Variants in LRBA observed in about 807,000 individuals in gnomAD.
LRBA encodes lipopolysaccharide-responsive and beige-like anchor protein.
Under a neutral mutation model 330.0 loss-of-function variants are expected in LRBA, and 176 were observed. That is an observed-to-expected ratio of 0.53 (90% CI 0.47 to 0.60). The LOEUF (loss-of-function observed/expected upper bound fraction) is 0.60, where lower values mean the gene tolerates loss of function less well. LRBA is among the 20% of genes least tolerant of loss of function. The pLI, the probability that LRBA is intolerant of heterozygous loss-of-function variation, is 0.00. For synonymous variants in LRBA, 1,230 were observed against 1,193.0 expected (o/e 1.03, Z -0.64); for missense variants, 3,259 against 3,444.8 (o/e 0.95, Z 1.35).
At chr4:150,901,492 C>G (rs1399180060) in intron 13 of LRBA, among the ~76,000 whole-genome samples, 1 of 152,108 alleles carries the variant, frequency 6.6e-6, no homozygotes, top group African/African-American at 2.4e-5. Context: ...TGACCATAGA[C>G]CAAACTACTG....
In LRBA at chr4:150,310,467, C is replaced by A. The variant is rs139264524; in HGVS notation, c.7694-83G>T. 593 of 854,116 alleles carry A rather than the reference C, an allele frequency of 6.9e-4. 6 individuals carry two copies. The East Asian group carries it at 8.3e-3, about 12-fold the overall frequency. 52.9% of individuals were successfully genotyped at this position (854,116 alleles called of 1,614,324 possible). A position where few individuals can be genotyped will look rare whatever the true frequency, so the allele number is the denominator to read the frequency against. On this transcript the variant is annotated intron_variant, in intron 51 of 56. Transcript: ENST00000651943. ...AGTGAGGGAGAAGAGGAGACACATTCCCAGATAAGAGTACTTGATCCTTAA... is the reference window on the plus strand; with the variant it reads ...AGTGAGGGAGAAGAGGAGACACATTACCAGATAAGAGTACTTGATCCTTAA...
At chr4:150,838,572 G>A (rs1748538656) in intron 28 of LRBA, among the ~76,000 whole-genome samples, 1 of 152,096 alleles carries the variant, frequency 6.6e-6, no homozygotes, top group South Asian at 2.1e-4. Flanking sequence ...CTTTCTTCCA[G>A]TTGATCAAAT....
chr4:150,325,736 T>C (rs1733155495), intron 49 of LRBA, 73 bp downstream of exon 49: 3 of 1,047,956 alleles, frequency 2.9e-6, no homozygotes. Flanking sequence ...TCAAGCACAA[T>C]GAAAGACTGT....
intron 40 of LRBA, chr4:150,579,730 G>C (rs1163520226): frequency 4.4e-6 from 2 of 456,494 alleles, no homozygotes; most frequent in Non-Finnish European, 8.8e-6. Flanking sequence ...CGCCCCACCC[G>C]AGAGAAGAGG....
chr4:150,505,284 T>C (rs1760897903), intron 40 of LRBA, among the ~76,000 whole-genome samples: 1 of 152,182 alleles, frequency 6.6e-6, no homozygotes, highest in Non-Finnish European at 1.5e-5. Flanking sequence ...ACATTTTTTT[T>C]CAGCACCACA....
intron 2 of LRBA, among the ~76,000 whole-genome samples, chr4:151,003,286 A>G (rs1438057070): frequency 6.6e-6 from 1 of 151,116 alleles, no homozygotes; most frequent in Non-Finnish European, 1.5e-5. Flanking sequence ...AATACCAGCT[A>G]CTTGGGAGGC....
intron 36 of LRBA, among the ~76,000 whole-genome samples, chr4:150,726,336 G>A (rs767851071): frequency 1.1e-4 from 17 of 152,130 alleles, no homozygotes; most frequent in Non-Finnish European, 1.5e-5. Context: ...AAACAGAGCA[G>A]GAGTAGTTAC....
chr4:150,773,281 TA>T (rs1736825764), intron 34 of LRBA, among the ~76,000 whole-genome samples: 1 of 152,202 alleles, frequency 6.6e-6, no homozygotes, highest in African/African-American at 2.4e-5. Flanking sequence ...GAAAGCCAGA[TA>T]CTCCTGACAT....
At chr4:150,954,091 G>A (rs1209430) in intron 2 of LRBA, among the ~76,000 whole-genome samples, 175 of 146,622 alleles carry the variant, frequency 1.2e-3, no homozygotes, top group Non-Finnish European at 1.8e-3. Context: ...CCCAGCAGCC[G>A]CCCCGTCTGG....
intron 42 of LRBA, among the ~76,000 whole-genome samples, chr4:150,487,194 G>C (rs1045928716): frequency 6.6e-6 from 1 of 151,056 alleles, no homozygotes; most frequent in Non-Finnish European, 1.5e-5. Context: ...CTGGTTATAC[G>C]TGTGTGTACC....
chr4:150,932,500 T>C (rs1039138948), intron 2 of LRBA, among the ~76,000 whole-genome samples: 4 of 145,564 alleles, frequency 2.7e-5, no homozygotes, highest in Non-Finnish European at 5.9e-5. Context: ...ACATATTTGA[T>C]TGACAAATTC....
At chr4:150,840,572 CTGT>C (rs1748918322) in intron 28 of LRBA, 3 of 152,622 alleles carry the variant, frequency 2.0e-5, no homozygotes, top group African/African-American at 7.2e-5. Context: ...ATTAAGTTCA[CTGT>C]CTTAAATGGG....
At position 150,905,925 on chromosome 4, in the gene LRBA, A is replaced by G. The variant is rs111983765; in HGVS notation, c.1668T>C (p.Ser556=). 2 of 1,613,442 alleles carry G rather than the reference A, an allele frequency of 1.2e-6. No individual in the cohort carries two copies. Among genetic ancestry groups the G allele is most frequent in the Non-Finnish European group, 1.7e-6 (2 of 1,179,428 alleles). ...GCAGGGGCATCCCATTCTGCAGATT[A>G]CTCAGATATTTTGAAAATGCAAGGC... The part of the protein sequence containing the change: ...ELCLAFSKYL[S]NLQNGMPLLK... Residue 556 remains serine (S), a synonymous_variant, in exon 13 of 57, where the codon AGT becomes AGC. Coordinates refer to ENST00000651943, the MANE Select transcript of LRBA (RefSeq NM_001364905.1).
intron 2 of LRBA, among the ~76,000 whole-genome samples, chr4:151,003,752 G>A (rs532166939): frequency 3.9e-5 from 6 of 151,912 alleles, no homozygotes; most frequent in African/African-American, 4.8e-5. Flanking sequence ...TAATCATGCC[G>A]CTGCACTCTA....
chr4:150,607,246 A>G (rs1052589414), intron 37 of LRBA, among the ~76,000 whole-genome samples: 2 of 152,180 alleles, frequency 1.3e-5, no homozygotes, highest in Non-Finnish European at 2.9e-5. Flanking sequence ...AAGAGGTTTA[A>G]TATGATCAGG....
chr4:150,400,127 A>G (rs572450798), intron 47 of LRBA, among the ~76,000 whole-genome samples: 1 of 152,336 alleles, frequency 6.6e-6, no homozygotes, highest in South Asian at 2.1e-4. Flanking sequence ...ATAGTTTTCA[A>G]GAGATGAAGT....
chr4:150,886,916 A>G (rs1317692538), intron 17 of LRBA, among the ~76,000 whole-genome samples: 1 of 152,236 alleles, frequency 6.6e-6, no homozygotes, highest in African/African-American at 2.4e-5. Flanking sequence ...TATCACACAA[A>G]GACTTTAAAG....
intron 37 of LRBA, among the ~76,000 whole-genome samples, chr4:150,604,644 G>A (rs1292628898): frequency 6.6e-6 from 1 of 152,124 alleles, no homozygotes; most frequent in African/African-American, 2.4e-5. Flanking sequence ...TAACAGAACA[G>A]AGCTTTACTA....
At chr4:150,831,426 T>C (rs1385783817) in intron 29 of LRBA, among the ~76,000 whole-genome samples, 1 of 152,182 alleles carries the variant, frequency 6.6e-6, no homozygotes, top group African/African-American at 2.4e-5. Context: ...CTTCTATAAT[T>C]GCAACAGCTA....
Sources: gnomAD v4.1 joint callset for allele counts (sites outside exome capture counted in the v4.1 genomes callset) on GRCh38, gnomAD v4.1.1 for gene constraint, MANE v1.5 for transcripts, NCBI Gene and HGNC (gene_info 2026-07-23, HGNC 2026-07-21) for gene names.